JAK1: variants seen among roughly 807,000 people sequenced by gnomAD.
The protein encoded by JAK1 is tyrosine-protein kinase JAK1.
JAK1 carries 16 observed loss-of-function variants against 136.6 expected under a neutral mutation model. The observed-to-expected ratio is 0.12, with a 90% CI of 0.08 to 0.18. JAK1 has a LOEUF of 0.18. Among genes scored for constraint, JAK1 ranks in the 10% least tolerant of loss-of-function variants. The pLI is 1.00. For missense variants in JAK1, 859 were observed against 1,450.1 expected (o/e 0.59, Z 6.62); for synonymous variants, 492 against 519.5 (o/e 0.95, Z 0.72).
At chr1:64,942,847 C>T (rs1224056821) in intron 1 of JAK1, among the ~76,000 whole-genome samples, 1 of 152,096 alleles carries the variant, frequency 6.6e-6, no homozygotes, top group Non-Finnish European at 1.5e-5. Context: ...GTTGCTTACA[C>T]CACTTTCCTG....
intron 2 of JAK1, among the ~76,000 whole-genome samples, chr1:64,986,299 G>C (rs1312756455): frequency 6.6e-6 from 1 of 152,050 alleles, no homozygotes; most frequent in Non-Finnish European, 1.5e-5. Flanking sequence ...TAGAGATAGG[G>C]TTTCAAGATG....
chr1:64,873,088 A>T (rs1427329665), intron 5 of JAK1, among the ~76,000 whole-genome samples: 1 of 152,150 alleles, frequency 6.6e-6, no homozygotes, highest in African/African-American at 2.4e-5. Context: ...TAAGGCTATT[A>T]ATACGGATGA....
At chr1:64,921,267 C>G (rs1024302348) in intron 1 of JAK1, among the ~76,000 whole-genome samples, 10 of 152,122 alleles carry the variant, frequency 6.6e-5, no homozygotes, top group African/African-American at 2.4e-4. Flanking sequence ...AAGACTGCTG[C>G]ATTAGGGAAA....
At chr1:65,019,832 C>T (rs1646922056) in intron 2 of JAK1, among the ~76,000 whole-genome samples, 1 of 151,990 alleles carries the variant, frequency 6.6e-6, no homozygotes, top group Non-Finnish European at 1.5e-5. Context: ...AGGAGAATTG[C>T]TTGAACCCGG....
chr1:65,038,279 ACCTCTG>A (rs1557769183), intron 2 of JAK1, among the ~76,000 whole-genome samples: 5 of 148,154 alleles, frequency 3.4e-5, no homozygotes, highest in Admixed American at 1.3e-4. Flanking sequence ...GCTCACTGCA[ACCTCTG>A]CCTCCCGGGG....
intron 1 of JAK1, among the ~76,000 whole-genome samples, chr1:64,913,637 A>AAGGGAGGG (rs1388161308): frequency 8.3e-6 from 1 of 120,114 alleles, no homozygotes; most frequent in African/African-American, 3.6e-5. Context: ...GGGAGGGAGG[A>AAGGGAGGG]AGGGAGGAAG....
At chr1:65,011,196 C>T (rs1302020112) in intron 2 of JAK1, among the ~76,000 whole-genome samples, 1 of 152,130 alleles carries the variant, frequency 6.6e-6, no homozygotes, top group African/African-American at 2.4e-5. Context: ...CAGCTTCTGG[C>T]TGGACACGGT....
chr1:64,958,383 C>T (rs1007338939), intron 1 of JAK1, among the ~76,000 whole-genome samples: 1 of 152,192 alleles, frequency 6.6e-6, no homozygotes, highest in African/African-American at 2.4e-5. Flanking sequence ...AAAAGATAAC[C>T]CGTATACTGT....
chr1:64,974,434 G>A (rs749360399), intron 2 of JAK1: 6 of 152,124 alleles, frequency 3.9e-5, no homozygotes, highest in Non-Finnish European at 7.3e-5. Flanking sequence ...ACATAAAATT[G>A]CAATCATACT....
intron 10 of JAK1, among the ~76,000 whole-genome samples, chr1:64,856,155 C>G (rs1655916820): frequency 6.6e-6 from 1 of 152,228 alleles, no homozygotes; most frequent in Non-Finnish European, 1.5e-5. Context: ...CTGAGCCCTT[C>G]CAGGCCATGT....
chr1:64,954,748 G>C (rs535111919), intron 1 of JAK1, among the ~76,000 whole-genome samples: 1 of 152,322 alleles, frequency 6.6e-6, no homozygotes, highest in Non-Finnish European at 1.5e-5. Context: ...TTTAACACAT[G>C]TGACAAGTAA....
intron 1 of JAK1, among the ~76,000 whole-genome samples, chr1:65,054,282 T>C (rs188003902): frequency 7.9e-5 from 12 of 152,278 alleles, no homozygotes; most frequent in East Asian, 7.8e-4. Context: ...AAGCTGCTAA[T>C]ACTTGACTTG....
intron 1 of JAK1, among the ~76,000 whole-genome samples, chr1:64,932,922 T>G (rs1235924945): frequency 6.9e-6 from 1 of 144,738 alleles, no homozygotes; most frequent in Non-Finnish European, 1.6e-5. Context: ...AAATCAAAGG[T>G]TTTTTCTCCC....
At chr1:64,971,173 T>A (rs1316445736), upstream of JAK1, among the ~76,000 whole-genome samples, 1 of 152,238 alleles carries the variant, frequency 6.6e-6, no homozygotes, top group Non-Finnish European at 1.5e-5. Context: ...CTTGCAAACC[T>A]GATATAAATC....
chr1:64,873,575 G>A lies in JAK1; in HGVS notation c.330-52C>T, dbSNP rs763128580. On this transcript the variant is annotated intron_variant, in intron 4 of 24. Coordinates refer to ENST00000342505, the MANE Select transcript of JAK1 (RefSeq NM_002227.4). ...TTGTGGCAAAGGGGACCCAGATGTG[G>A]GCAGGGCGTCCTGGCTCACCAACAG... 1.9e-6 allele frequency: 3 copies of A among 1,609,052 alleles called. No individual in the cohort carries two copies. The South Asian group carries it at 3.3e-5, about 18-fold the overall frequency.
chr1:64,839,432 A>G, intron 20 of JAK1, 171 bp downstream of exon 20: 1 of 563,504 alleles, frequency 1.8e-6, no homozygotes, highest in Non-Finnish European at 3.1e-6. Flanking sequence ...GGAGCCCTGC[A>G]GCTGCTGAGG....
rs1472155935 is a variant in JAK1, at chr1:64,847,686, A to C, written c.1756-11T>G. Reference sequence around the variant, plus strand: ...CCCAAGGTGCTCGCCCTGAGGGAAGAAGCAGAAGGCTGGGTGACCTCTCTG... The same window carrying C: ...CCCAAGGTGCTCGCCCTGAGGGAAGCAGCAGAAGGCTGGGTGACCTCTCTG... On this transcript the variant is annotated splice_polypyrimidine_tract_variant and intron_variant, in intron 12 of 24. Coordinates refer to ENST00000342505, the MANE Select transcript of JAK1 (RefSeq NM_002227.4). The C allele has an allele frequency of 6.8e-6, 11 of 1,613,024 alleles. No homozygotes were observed. Among genetic ancestry groups the C allele is most frequent in the Non-Finnish European group, 8.5e-6 (10 of 1,179,546 alleles).
At chr1:64,997,011 A>G (rs1308906395) in intron 2 of JAK1, among the ~76,000 whole-genome samples, 1 of 152,244 alleles carries the variant, frequency 6.6e-6, no homozygotes, top group Non-Finnish European at 1.5e-5. Flanking sequence ...TGTCATACAC[A>G]TGGGTTTGCA....
At chr1:64,957,426 A>G (rs1263896314) in intron 1 of JAK1, among the ~76,000 whole-genome samples, 5 of 152,224 alleles carry the variant, frequency 3.3e-5, no homozygotes, top group Admixed American at 2.6e-4. Flanking sequence ...TGGTCCCACC[A>G]TAGGTCTTTG....
Sources: allele counts gnomAD v4.1 joint callset (sites outside exome capture counted in the v4.1 genomes callset), GRCh38; gene constraint gnomAD v4.1.1; transcripts MANE v1.5; gene names NCBI Gene and HGNC (gene_info 2026-07-23, HGNC 2026-07-21).